PHKB: variants seen among roughly 807,000 people sequenced by gnomAD.
PHKB encodes phosphorylase kinase regulatory subunit beta, also known as phosphorylase b kinase regulatory subunit beta.
PHKB carries 122 observed loss-of-function variants against 152.1 expected under a neutral mutation model. The ratio of observed to expected loss-of-function variants is 0.80; its 90% CI spans 0.69 to 0.93. The LOEUF (loss-of-function observed/expected upper bound fraction) is 0.93, where lower values mean the gene tolerates loss of function less well. PHKB is among the 40% of genes least tolerant of loss of function. The pLI is 0.00. For missense variants in PHKB, 1,304 were observed against 1,328.4 expected (o/e 0.98, Z 0.29); for synonymous variants, 436 against 464.9 (o/e 0.94, Z 0.80).
At chr16:47,586,553 T>C (rs1971938645) in intron 8 of PHKB, among the ~76,000 whole-genome samples, 1 of 152,198 alleles carries the variant, frequency 6.6e-6, no homozygotes, top group Non-Finnish European at 1.5e-5. Flanking sequence ...AAAAAATACC[T>C]CTAGTGAATC....
At chr16:47,532,606 G>A (rs574699674) in intron 6 of PHKB, among the ~76,000 whole-genome samples, 100 of 152,344 alleles carry the variant, frequency 6.6e-4, no homozygotes, top group Non-Finnish European at 5.3e-4. Flanking sequence ...TGTTGGCATG[G>A]GTGCCAGCTC....
Position 47,669,341 on chromosome 16 carries a change from G to T in PHKB, c.2554G>T (p.Glu852Ter), listed in dbSNP as rs1186551956. ...HDEREAVIQQ[E>*]LVIHIGWIIS... ...TGAGAGGGAAGCGGTCATTCAGCAA[G>T]AACTGGTCATCCATATTGGCTGGAT... The change falls in exon 26 of 31, where the codon GAA becomes TAA. Residue 852 changes from glutamate (E) to a stop codon, truncating the protein, a stop_gained. Transcript: ENST00000323584. LOFTEE classifies it high-confidence loss of function. 2 of 1,614,170 alleles carry T rather than the reference G, an allele frequency of 1.2e-6. No homozygotes were observed. Among genetic ancestry groups the T allele is most frequent in the Admixed American group, 1.7e-5 (1 of 60,008 alleles).
At chr16:47,567,267 G>A (rs968850364) in intron 7 of PHKB, among the ~76,000 whole-genome samples, 5 of 151,520 alleles carry the variant, frequency 3.3e-5, no homozygotes, top group African/African-American at 4.8e-5. Context: ...GATTTCTTTC[G>A]TCACTGTTTT....
intron 1 of PHKB, among the ~76,000 whole-genome samples, chr16:47,466,162 T>C (rs1969665624): frequency 6.6e-6 from 1 of 152,218 alleles, no homozygotes; most frequent in Non-Finnish European, 1.5e-5. Flanking sequence ...GTACTAGTAT[T>C]TGCTGTGGTT....
chr16:47,669,524 A>G, intron 26 of PHKB, 107 bp downstream of exon 26: 1 of 959,078 alleles, frequency 1.0e-6, no homozygotes, highest in Non-Finnish European at 1.7e-6. Context: ...GTGAGTATTC[A>G]GCAAAGAGCA....
chr16:47,602,297 A>G (rs1972241886), intron 13 of PHKB, among the ~76,000 whole-genome samples: 1 of 152,234 alleles, frequency 6.6e-6, no homozygotes, highest in Non-Finnish European at 1.5e-5. Context: ...TTAAAGTGAT[A>G]AAATGGATAT....
intron 7 of PHKB, among the ~76,000 whole-genome samples, chr16:47,557,827 G>A (rs956001823): frequency 5.9e-5 from 9 of 152,110 alleles, no homozygotes; most frequent in South Asian, 2.1e-4. Context: ...TCAGTGTGGC[G>A]ATTCCTCAGG....
intron 7 of PHKB, among the ~76,000 whole-genome samples, chr16:47,557,911 G>A (rs926881328): frequency 1.3e-5 from 2 of 152,094 alleles, no homozygotes; most frequent in African/African-American, 4.8e-5. Flanking sequence ...TATAAATCAT[G>A]CTGCTATAAA....
chr16:47,533,253 T>C (rs899877695), intron 6 of PHKB, among the ~76,000 whole-genome samples: 1 of 152,120 alleles, frequency 6.6e-6, no homozygotes, highest in East Asian at 1.9e-4. Flanking sequence ...TTTATGGGCC[T>C]CAGGGGTGAG....
intron 2 of PHKB, among the ~76,000 whole-genome samples, chr16:47,497,943 T>C (rs2151641954): frequency 6.6e-6 from 1 of 152,326 alleles, no homozygotes; most frequent in African/African-American, 2.4e-5. Flanking sequence ...TTTGTTTGTT[T>C]TATTTTGTTT....
chr16:47,640,323 C>A (rs574013213), intron 14 of PHKB, among the ~76,000 whole-genome samples: 2 of 152,268 alleles, frequency 1.3e-5, no homozygotes, highest in African/African-American at 4.8e-5. Flanking sequence ...ATTGGTGCTT[C>A]TTAATGTTCT....
At chr16:47,588,182 T>C (rs1225298436) in intron 9 of PHKB, among the ~76,000 whole-genome samples, 1 of 152,160 alleles carries the variant, frequency 6.6e-6, no homozygotes, top group Non-Finnish European at 1.5e-5. Context: ...TGTATGCTTA[T>C]CCTACCTGAT....
chr16:47,583,649 A>G (rs1352676761), intron 8 of PHKB, among the ~76,000 whole-genome samples: 1 of 152,188 alleles, frequency 6.6e-6, no homozygotes, highest in Non-Finnish European at 1.5e-5. Flanking sequence ...AAAATGAATG[A>G]TCGGAAGATT....
At chr16:47,513,653 C>T (rs1970547403) in intron 5 of PHKB, among the ~76,000 whole-genome samples, 1 of 152,186 alleles carries the variant, frequency 6.6e-6, no homozygotes, top group Non-Finnish European at 1.5e-5. Context: ...CCATCTATTA[C>T]TCAGTTGGGC....
chr16:47,577,604 A>T lies in PHKB; in HGVS notation c.711-2691A>T, dbSNP rs146508538. 3.9e-5 allele frequency among the ~76,000 whole-genome samples: 6 copies of T among 152,016 alleles called. No individual in the cohort carries two copies. In the East Asian group the frequency reaches 1.2e-3, roughly 29 times the overall value. ...CTGAGATTGTCTTGGTTTCTTCCTG[A>T]TTGCTAAGTGATGTATTTACTGGTA... On this transcript the variant is annotated intron_variant, in intron 7 of 30. Coordinates refer to ENST00000323584, the MANE Select transcript of PHKB (RefSeq NM_000293.3).
intron 8 of PHKB, among the ~76,000 whole-genome samples, chr16:47,587,217 T>C (rs1971949271): frequency 6.6e-6 from 1 of 152,218 alleles, no homozygotes; most frequent in Non-Finnish European, 1.5e-5. Flanking sequence ...CCTGTCTTCA[T>C]ATTTTAATCC....
At chr16:47,543,941 T>G (rs1431944977) in intron 6 of PHKB, among the ~76,000 whole-genome samples, 1 of 152,204 alleles carries the variant, frequency 6.6e-6, no homozygotes, top group Non-Finnish European at 1.5e-5. Context: ...ACATCTATTT[T>G]TATTACAATC....
chr16:47,505,850 T>C (rs1305056130), intron 4 of PHKB, among the ~76,000 whole-genome samples: 1 of 146,818 alleles, frequency 6.8e-6, no homozygotes, highest in Non-Finnish European at 1.5e-5. Flanking sequence ...CTGGCCAACA[T>C]GGTGAAACTC....
intron 7 of PHKB, chr16:47,565,835 A>G: frequency 2.9e-6 from 4 of 1,365,384 alleles, no homozygotes; most frequent in Non-Finnish European, 4.1e-6. Context: ...CAAAGACAGA[A>G]GCAGCTTGAC....
Sources: gnomAD v4.1 joint callset for allele counts (sites outside exome capture counted in the v4.1 genomes callset) on GRCh38, gnomAD v4.1.1 for gene constraint, MANE v1.5 for transcripts, NCBI Gene and HGNC (gene_info 2026-07-23, HGNC 2026-07-21) for gene names.